Variants in ITPR1 observed in about 807,000 individuals in gnomAD.
ITPR1 encodes inositol 1,4,5-trisphosphate-gated calcium channel ITPR1.
ITPR1 carries 96 observed loss-of-function variants against 318.4 expected under a neutral mutation model. The observed-to-expected ratio is 0.30, with a 90% confidence interval of 0.26 to 0.36. The LOEUF (loss-of-function observed/expected upper bound fraction) is 0.36. Among genes scored for constraint, ITPR1 ranks in the 10% least tolerant of loss-of-function variants. The pLI is 1.00. For missense variants in ITPR1, 2,440 were observed against 3,460.2 expected, an observed-to-expected ratio of 0.71 and a Z score of 7.40; for synonymous variants, 1,312 against 1,289.9, an observed-to-expected ratio of 1.02 and a Z score of -0.37.
intron 4 of ITPR1, among the ~76,000 whole-genome samples, chr3:4,600,191 G>A (rs2091163640): frequency 6.6e-6 from 1 of 152,184 alleles, no homozygotes; most frequent in Non-Finnish European, 1.5e-5. Context: ...TTTTACCTCT[G>A]TGGCATTGTT....
chr3:4,550,479 C>T (rs1470044838), intron 4 of ITPR1, among the ~76,000 whole-genome samples: 1 of 152,182 alleles, frequency 6.6e-6, no homozygotes, highest in African/African-American at 2.4e-5. Context: ...CTATTGTTAT[C>T]CTCATGCCTG....
Position 4,826,369 on chromosome 3 carries a change from T to C in ITPR1, c.8028+8127T>C, listed in dbSNP as rs1173633853. ...CTGGGCTCTGACAAGCCCTTAACCATGGGTGAGGATACAGCCTGTGCTGCC... is the reference window on the plus strand; with the variant it reads ...CTGGGCTCTGACAAGCCCTTAACCACGGGTGAGGATACAGCCTGTGCTGCC... On this transcript the variant is annotated intron_variant, in intron 60 of 61. Coordinates refer to ENST00000649015, the MANE Select transcript of ITPR1 (RefSeq NM_001378452.1). The surrounding 1 kb of genome is among the most constrained non-coding windows in gnomAD (Gnocchi z 4.2). Among the ~76,000 whole-genome samples the C allele has an allele frequency of 6.6e-6, 1 of 152,160 alleles. No homozygotes were observed. The highest frequency in any genetic ancestry group is 1.5e-5 in the Non-Finnish European group (1 of 68,018).
At chr3:4,756,092 AC>A (rs1263012015) in intron 44 of ITPR1, among the ~76,000 whole-genome samples, 3 of 152,126 alleles carry the variant, frequency 2.0e-5, no homozygotes, top group Admixed American at 6.5e-5. Flanking sequence ...TGCCCATTGT[AC>A]TCACTATTAG....
Position 4,846,277 on chromosome 3 carries a change from G to A in ITPR1, c.*52G>A, listed in dbSNP as rs1217110144. ...ACCTTTTATAATTATTATTAGTGTG[G>A]GTATGGCTAATGAGTTCTGATTCAC... On this transcript the variant is annotated 3_prime_UTR_variant, in exon 62 of 62. Coordinates refer to ENST00000649015, the MANE Select transcript of ITPR1 (RefSeq NM_001378452.1). The A allele has an allele frequency of 3.2e-6, 4 of 1,248,448 alleles. No homozygotes were observed. The highest frequency in any genetic ancestry group is 4.6e-6 in the Non-Finnish European group (4 of 876,078). 77.3% of individuals were successfully genotyped at this position (1,248,448 alleles called of 1,614,324 possible).
intron 54 of ITPR1, among the ~76,000 whole-genome samples, chr3:4,802,816 G>C (rs11717863): frequency 6.6e-6 from 1 of 150,970 alleles, no homozygotes; most frequent in African/African-American, 2.4e-5. Context: ...GTGACAGAAT[G>C]AGACTGATTA....
At chr3:4,783,973 C>A in intron 51 of ITPR1, 53 bp downstream of exon 51, 1 of 1,211,396 alleles carries the variant, frequency 8.3e-7, no homozygotes, top group Non-Finnish European at 1.2e-6. Flanking sequence ...CATTAGTGTG[C>A]AATGCCCTGC....
chr3:4,667,684 G>T, intron 18 of ITPR1, 135 bp downstream of exon 18: 1 of 740,384 alleles, frequency 1.4e-6, no homozygotes, highest in South Asian at 2.7e-5. Context: ...GAGGCTTTTT[G>T]ATGAGTAGTG....
chr3:4,517,595 G>C (rs1030028390), intron 3 of ITPR1, among the ~76,000 whole-genome samples: 1 of 152,160 alleles, frequency 6.6e-6, no homozygotes, highest in African/African-American at 2.4e-5. Context: ...AATTAGACTT[G>C]TGCTCCCACT....
chr3:4,600,059 A>G (rs1382316999), intron 4 of ITPR1, among the ~76,000 whole-genome samples: 1 of 152,208 alleles, frequency 6.6e-6, no homozygotes, highest in Admixed American at 6.5e-5. Flanking sequence ...TGTATGTACA[A>G]ATGGAATTGT....
intron 39 of ITPR1, among the ~76,000 whole-genome samples, chr3:4,712,404 A>G (rs1255476366): frequency 3.3e-5 from 5 of 152,230 alleles, no homozygotes; most frequent in African/African-American, 7.2e-5. Context: ...GTGAACAAGG[A>G]TATACCAGAT....
At chr3:4,597,298 C>G (rs1383082312) in intron 4 of ITPR1, among the ~76,000 whole-genome samples, 3 of 152,168 alleles carry the variant, frequency 2.0e-5, no homozygotes, top group African/African-American at 7.2e-5. Context: ...AGTCAACCAG[C>G]TGGCAAATTT....
intron 53 of ITPR1, 30 bp from the exon 54 acceptor site, chr3:4,800,395 T>C: frequency 6.2e-6 from 10 of 1,607,156 alleles, no homozygotes; most frequent in Non-Finnish European, 7.6e-6. Context: ...AGGCACAGAT[T>C]TGTGAGAGAA....
chr3:4,677,670 G>A (rs1194976697), intron 24 of ITPR1, among the ~76,000 whole-genome samples: 1 of 152,214 alleles, frequency 6.6e-6, no homozygotes, highest in Non-Finnish European at 1.5e-5. Flanking sequence ...GCACAGAGAA[G>A]TGGGGACATG....
Position 4,846,154 on chromosome 3 carries a change from A to G in ITPR1, c.8206A>G (p.Lys2736Glu). 6.4e-7 allele frequency: 1 copy of G among 1,562,832 alleles called. No individual in the cohort carries two copies. Among genetic ancestry groups the G allele is most frequent in the African/African-American group, 1.4e-5 (1 of 73,766 alleles). ...AACTTTCCAGATGACAGAACAAAGG[A>G]AGCAGAAACAAAGAATTGGTCTTCT... is the stretch of plus-strand genomic sequence containing the variant. Reference protein sequence around the residue: ...ELKDQMTEQRKQKQRIGLLGH... With the variant: ...ELKDQMTEQREQKQRIGLLGH... The change falls in exon 62 of 62, where the codon AAG becomes GAG. Residue 2736 changes from lysine to glutamate, a missense_variant. Physicochemically the swap from Lys to Glu is moderately conservative, Grantham distance 56. Coordinates refer to ENST00000649015, the MANE Select transcript of ITPR1 (RefSeq NM_001378452.1).
At chr3:4,642,423 A>G (rs2093358288) in intron 7 of ITPR1, among the ~76,000 whole-genome samples, 172 bp downstream of exon 7, 1 of 152,242 alleles carries the variant, frequency 6.6e-6, no homozygotes, top group Admixed American at 6.5e-5. Flanking sequence ...TGTGGAGAGA[A>G]GTGTGACCTA....
At chr3:4,643,680 G>A (rs1243859991) in intron 7 of ITPR1, among the ~76,000 whole-genome samples, 1 of 151,926 alleles carries the variant, frequency 6.6e-6, no homozygotes, top group Non-Finnish European at 1.5e-5. Context: ...CTCAATGGCT[G>A]TATATATGAC....
chr3:4,840,029 C>CTTTTTTTTTTTTTTTTT (rs56096727), intron 61 of ITPR1, among the ~76,000 whole-genome samples: 4 of 104,910 alleles, frequency 3.8e-5, no homozygotes, highest in African/African-American at 4.0e-5. Context: ...AGCATAGCTG[C>CTTTTTTTTTTTTTTTTT]TTTTTTTTTT....
At chr3:4,764,112 T>C (rs1164294654) in intron 44 of ITPR1, among the ~76,000 whole-genome samples, 3 of 152,218 alleles carry the variant, frequency 2.0e-5, no homozygotes, top group Admixed American at 2.0e-4. Flanking sequence ...GGATGGTCTG[T>C]CTTGGTGAGA....
intron 18 of ITPR1, 66 bp from the exon 19 acceptor site, chr3:4,669,588 A>G: frequency 1.3e-6 from 2 of 1,504,040 alleles, no homozygotes; most frequent in Non-Finnish European, 9.0e-7. Flanking sequence ...TTAAGGAAGA[A>G]TTGGGGTCCA....
Sources: allele counts gnomAD v4.1 joint callset (sites outside exome capture counted in the v4.1 genomes callset), GRCh38; gene constraint gnomAD v4.1.1; non-coding constraint Gnocchi (gnomAD v3.1); transcripts MANE v1.5; gene names NCBI Gene and HGNC (gene_info 2026-07-23, HGNC 2026-07-21).